Variants in ANKRD31 observed in about 807,000 individuals in gnomAD.
ANKRD31 encodes the protein ankyrin repeat domain 31.
ANKRD31 carries 147 observed loss-of-function variants against 186.0 expected under a neutral mutation model. That is an observed-to-expected ratio of 0.79 (90% CI 0.69 to 0.91). The LOEUF (loss-of-function observed/expected upper bound fraction) is 0.91, where lower values mean the gene tolerates loss of function less well. ANKRD31 is among the 40% of genes least tolerant of loss of function. The pLI is 0.00. For synonymous variants in ANKRD31, 673 were observed against 736.4 expected (o/e 0.91, Z 1.39); for missense variants, 1,986 against 2,148.8 (o/e 0.92, Z 1.50).
intron 10 of ANKRD31, among the ~76,000 whole-genome samples, chr5:75,177,919 A>T (rs914981824): frequency 5.9e-5 from 9 of 152,314 alleles, no homozygotes; most frequent in African/African-American, 2.2e-4. Flanking sequence ...AAATGCTCCA[A>T]TTAAAAGGCG....
At chr5:75,100,529 AG>A (rs1746757884) in intron 22 of ANKRD31, among the ~76,000 whole-genome samples, 1 of 152,114 alleles carries the variant, frequency 6.6e-6, no homozygotes, top group South Asian at 2.1e-4. Context: ...GGGGTGTTAA[AG>A]TCTCCCATTA....
intron 3 of ANKRD31, among the ~76,000 whole-genome samples, chr5:75,212,256 G>C (rs538851662): frequency 7.9e-5 from 12 of 152,078 alleles, no homozygotes; most frequent in Admixed American, 2.6e-4. Flanking sequence ...TTCTTGTCCA[G>C]TTCTAAGTTT....
intron 17 of ANKRD31, among the ~76,000 whole-genome samples, chr5:75,125,902 T>TA (rs1236198354): frequency 2.0e-5 from 3 of 151,514 alleles, no homozygotes; most frequent in East Asian, 1.9e-4. Flanking sequence ...TTTACCTGTT[T>TA]AAAAAAAAAT....
At position 75,159,255 on chromosome 5, in the gene ANKRD31, AACAACATACACATT is replaced by A. The variant is rs77270640; in HGVS notation, c.1708-4924_1708-4911del. ...AGAAATATAGGGCACCATTAAGCAC[AACAACATACACATT>A]ACAGGAGTTCCAGAAAGACAGGAGA... On this transcript the variant is annotated intron_variant, in intron 11 of 25. Coordinates refer to ENST00000506364, the MANE Select transcript of ANKRD31 (RefSeq NM_001372053.1). Among the ~76,000 whole-genome samples the A allele has an allele frequency of 2.4e-3, 365 of 152,272 alleles. 8 individuals are homozygous for A. The East Asian group carries it at 0.061, about 26-fold the overall frequency.
chr5:75,109,030 G>C (rs958076044), intron 20 of ANKRD31, among the ~76,000 whole-genome samples: 17 of 151,948 alleles, frequency 1.1e-4, no homozygotes, highest in African/African-American at 4.1e-4. Flanking sequence ...TTAATCAATG[G>C]TATATTAAAG....
intron 3 of ANKRD31, among the ~76,000 whole-genome samples, chr5:75,214,471 G>T (rs1756842521): frequency 6.6e-6 from 1 of 152,174 alleles, no homozygotes; most frequent in South Asian, 2.1e-4. Flanking sequence ...TATTTGAGTA[G>T]CCCAGCAATT....
intron 3 of ANKRD31, among the ~76,000 whole-genome samples, chr5:75,221,043 G>A (rs896389009): frequency 6.6e-6 from 1 of 152,148 alleles, no homozygotes; most frequent in Non-Finnish European, 1.5e-5. Context: ...GGAACTGGAG[G>A]CCATTATCCT....
At chr5:75,170,559 G>C (rs1463831171) in intron 10 of ANKRD31, among the ~76,000 whole-genome samples, 5 of 152,058 alleles carry the variant, frequency 3.3e-5, no homozygotes, top group African/African-American at 1.2e-4. Context: ...TTTTTTAAAT[G>C]GGTAAATTGT....
intron 11 of ANKRD31, among the ~76,000 whole-genome samples, chr5:75,162,301 T>A (rs1330158649): frequency 6.6e-6 from 1 of 152,232 alleles, no homozygotes; most frequent in Non-Finnish European, 1.5e-5. Flanking sequence ...GGAGATCATT[T>A]TGGAGCCTTA....
intron 21 of ANKRD31, among the ~76,000 whole-genome samples, chr5:75,105,549 C>G (rs1233215870): frequency 6.6e-6 from 1 of 152,050 alleles, no homozygotes; most frequent in Non-Finnish European, 1.5e-5. Flanking sequence ...AAACTTGGAT[C>G]ATCTATCTAA....
intron 10 of ANKRD31, among the ~76,000 whole-genome samples, chr5:75,175,350 T>G (rs1279260579): frequency 1.3e-5 from 2 of 152,068 alleles, no homozygotes; most frequent in Non-Finnish European, 2.9e-5. Context: ...CTGCATGTTG[T>G]GCACATGTAC....
chr5:75,085,782 T>C (rs1302170488), intron 23 of ANKRD31, among the ~76,000 whole-genome samples: 1 of 152,210 alleles, frequency 6.6e-6, no homozygotes, highest in African/African-American at 2.4e-5. Flanking sequence ...CTCCAGCTTA[T>C]TAAATTGTTA....
chr5:75,181,894 T>A (rs1212214904), intron 10 of ANKRD31, among the ~76,000 whole-genome samples: 2 of 148,848 alleles, frequency 1.3e-5, no homozygotes, highest in African/African-American at 2.5e-5. Context: ...ATAGTAATGA[T>A]AAAAAAAAAG....
At chr5:75,105,974 T>C (rs909446767) in intron 21 of ANKRD31, among the ~76,000 whole-genome samples, 2 of 152,158 alleles carry the variant, frequency 1.3e-5, no homozygotes, top group Admixed American at 6.5e-5. Context: ...GGACACTTTG[T>C]TTTCAGTGGT....
intron 25 of ANKRD31, among the ~76,000 whole-genome samples, chr5:75,069,556 T>C (rs757752609): frequency 3.9e-5 from 6 of 152,062 alleles, no homozygotes; most frequent in Non-Finnish European, 8.8e-5. Context: ...TTTTTTGGTT[T>C]TTTTTTTGAG....
intron 17 of ANKRD31, among the ~76,000 whole-genome samples, chr5:75,133,702 C>G (rs1445967444): frequency 6.6e-6 from 1 of 152,078 alleles, no homozygotes; most frequent in Non-Finnish European, 1.5e-5. Flanking sequence ...CCCAAATCAA[C>G]AGAATATACA....
intron 2 of ANKRD31, among the ~76,000 whole-genome samples, chr5:75,224,166 TATATATATATATAC>T (rs1189785613): frequency 5.1e-5 from 5 of 97,188 alleles, no homozygotes; most frequent in African/African-American, 2.0e-4. Context: ...TATATGTATA[TATATATATATATAC>T]ACACATTTCT....
At chr5:75,229,888 C>CA (rs796445150) in intron 2 of ANKRD31, among the ~76,000 whole-genome samples, 4 of 79,698 alleles carry the variant, frequency 5.0e-5, no homozygotes, top group Non-Finnish European at 8.9e-5. Context: ...AAAAAAAAAA[C>CA]AAAAAAAACA....
intron 12 of ANKRD31, among the ~76,000 whole-genome samples, chr5:75,151,484 G>A (rs1230193851): frequency 6.6e-6 from 1 of 151,948 alleles, no homozygotes; most frequent in Non-Finnish European, 1.5e-5. Flanking sequence ...TTTATAAAGG[G>A]CTGTTCCCCT....
Sources: allele counts gnomAD v4.1 joint callset (sites outside exome capture counted in the v4.1 genomes callset), GRCh38; gene constraint gnomAD v4.1.1; transcripts MANE v1.5; gene names NCBI Gene and HGNC (gene_info 2026-07-23, HGNC 2026-07-21).